Variants in B4GALT4 observed in about 807,000 individuals in gnomAD.
B4GALT4 encodes the protein N-acetyllactosamine synthase.
A neutral mutation model predicts 37.3 loss-of-function variants in B4GALT4; 27 were observed. The ratio of observed to expected loss-of-function variants is 0.72; its 90% confidence interval spans 0.53 to 1.00. The LOEUF is 1.00. B4GALT4 is among the 50% of genes least tolerant of loss of function. The pLI, the probability that B4GALT4 is intolerant of heterozygous loss-of-function variation, is 0.00. For missense variants in B4GALT4, 372 were observed against 413.1 expected, an observed-to-expected ratio of 0.90 and a Z score of 0.86; for synonymous variants, 148 against 154.1, an observed-to-expected ratio of 0.96 and a Z score of 0.29.
intron 1 of B4GALT4, among the ~76,000 whole-genome samples, chr3:119,238,283 A>AC (rs397827342): frequency 6.6e-6 from 1 of 150,734 alleles, no homozygotes; most frequent in Admixed American, 6.6e-5. Flanking sequence ...AAAAAAAAAA[A>AC]GTATATAAAA....
In B4GALT4 at chr3:119,230,189, T is replaced by C; in HGVS notation, c.-90A>G. 1 of 1,495,098 alleles carries C rather than the reference T, an allele frequency of 6.7e-7. No individual in the cohort carries two copies. The highest frequency in any genetic ancestry group is 1.9e-5 in the Admixed American group (1 of 52,890). The allele number at this position is 1,495,098 out of a possible 1,614,324, so 92.6% of individuals were successfully genotyped here. ...AGCTTTTCCAATCTGATTGCGAACTTGATGACAACTGAAGATACAATGCCT... is the reference window on the plus strand; with the variant it reads ...AGCTTTTCCAATCTGATTGCGAACTCGATGACAACTGAAGATACAATGCCT... On this transcript the variant is annotated 5_prime_UTR_variant, in exon 3 of 8. Transcript: ENST00000393765.
intron 5 of B4GALT4, among the ~76,000 whole-genome samples, chr3:119,219,130 G>T (rs2078374378): frequency 6.6e-6 from 1 of 152,134 alleles, no homozygotes; most frequent in South Asian, 2.1e-4. Context: ...AAGGGCACTG[G>T]GTTAAGAAGG....
chr3:119,237,826 AAG>A (rs1388343928), intron 1 of B4GALT4, among the ~76,000 whole-genome samples: 1 of 152,250 alleles, frequency 6.6e-6, no homozygotes. Context: ...CCAAAAATTG[AAG>A]AGTCTAAATG....
intron 3 of B4GALT4, among the ~76,000 whole-genome samples, chr3:119,229,002 T>A (rs966934530): frequency 1.3e-5 from 2 of 152,148 alleles, no homozygotes; most frequent in Non-Finnish European, 2.9e-5. Context: ...ACTAATTTAC[T>A]GTTTAACATA....
rs752597481 is a variant in B4GALT4, at chr3:119,226,905, G to C, written c.390C>G (p.His130Gln). 6.2e-7 allele frequency: 1 copy of C among 1,614,058 alleles called. No individual in the cohort carries two copies. Among genetic ancestry groups the C allele is most frequent in the Non-Finnish European group, 8.5e-7 (1 of 1,180,030 alleles). ...ALQRVAILVP[H>Q]RNREKHLMYL... ...ACATCAGGTGTTTCTCTCTGTTCCG[G>C]TGGGGAACGAGGATGGCGACCCTCT... Residue 130 changes from histidine to glutamine, a missense_variant, in exon 4 of 8, where the codon CAC becomes CAG. His to Gln is a conservative substitution (Grantham distance 24). Transcript: ENST00000393765.
At chr3:119,230,381 G>C in intron 2 of B4GALT4, 137 bp from the exon 3 acceptor site, 1 of 401,982 alleles carries the variant, frequency 2.5e-6, no homozygotes. Flanking sequence ...TTAGCATTTA[G>C]AGATTCGAAA....
chr3:119,234,737 TTTTC>T (rs1401428495), intron 2 of B4GALT4, among the ~76,000 whole-genome samples: 3 of 152,208 alleles, frequency 2.0e-5, no homozygotes, highest in Non-Finnish European at 4.4e-5. Flanking sequence ...CTCAGAGTTA[TTTTC>T]TTTTTCAGTC....
chr3:119,216,059 G>C (rs1217987182), intron 7 of B4GALT4, 181 bp downstream of exon 7: 5 of 379,690 alleles, frequency 1.3e-5, no homozygotes, highest in Admixed American at 4.6e-5. Flanking sequence ...CATGAGTTGA[G>C]AACTGTAGAC....
At chr3:119,216,413 C>A in intron 6 of B4GALT4, 69 bp from the exon 7 acceptor site, 3 of 1,221,290 alleles carry the variant, frequency 2.5e-6, no homozygotes, top group Middle Eastern at 2.4e-4. Flanking sequence ...TAAAAAGCAT[C>A]ATTTGCGAAA....
intron 1 of B4GALT4, 182 bp downstream of exon 1, chr3:119,240,668 C>T (rs767143467): frequency 4.3e-4 from 65 of 152,420 alleles, no homozygotes; most frequent in Non-Finnish European, 7.2e-4. Context: ...CCTCCGTAGG[C>T]CCCCGGCCCG....
chr3:119,233,994 C>T (rs2078904793), intron 2 of B4GALT4, among the ~76,000 whole-genome samples: 1 of 152,194 alleles, frequency 6.6e-6, no homozygotes. Flanking sequence ...GGCAACCCCT[C>T]TCACCGTTGT....
intron 4 of B4GALT4, 104 bp downstream of exon 4, chr3:119,226,705 T>C (rs1477935203): frequency 5.4e-6 from 5 of 927,166 alleles, no homozygotes; most frequent in South Asian, 1.7e-5. Flanking sequence ...TTTTTGATGA[T>C]AGTCTGATGT....
chr3:119,227,137 C>G, intron 3 of B4GALT4, 96 bp from the exon 4 acceptor site: 2 of 1,026,412 alleles, frequency 1.9e-6, no homozygotes, highest in Non-Finnish European at 2.9e-6. Context: ...CACTGCCCAG[C>G]TCACAGTGAG....
intron 2 of B4GALT4, chr3:119,236,285 A>C (rs1371617263): frequency 7.0e-6 from 1 of 143,488 alleles, no homozygotes; most frequent in Non-Finnish European, 1.5e-5. Flanking sequence ...AAAATGCAGG[A>C]TCCTTGATAA....
At chr3:119,219,553 G>A (rs2078391508) in intron 5 of B4GALT4, among the ~76,000 whole-genome samples, 1 of 152,248 alleles carries the variant, frequency 6.6e-6, no homozygotes, top group Non-Finnish European at 1.5e-5. Context: ...TATGGCTTTG[G>A]AAATAAGCTG....
At chr3:119,238,263 T>TAA (rs35361911) in intron 1 of B4GALT4, among the ~76,000 whole-genome samples, 8,174 of 108,892 alleles carry the variant, frequency 0.075, 364 homozygotes, top group African/African-American at 0.1. Flanking sequence ...ACCCTGTCTC[T>TAA]AAAAAAAAAA....
intron 5 of B4GALT4, among the ~76,000 whole-genome samples, chr3:119,222,092 G>A (rs1005283446): frequency 6.6e-6 from 1 of 152,128 alleles, no homozygotes; most frequent in South Asian, 2.1e-4. Context: ...CTGTCCTTAA[G>A]CAATCCTCTG....
chr3:119,229,227 TA>T (rs2078731123), intron 3 of B4GALT4, among the ~76,000 whole-genome samples: 1 of 152,158 alleles, frequency 6.6e-6, no homozygotes, highest in Non-Finnish European at 1.5e-5. Flanking sequence ...GAGGAGAACA[TA>T]CCCAGGCTAG....
rs2078171070 is a variant in B4GALT4 at position 119,211,888 on chromosome 3, G to A, written c.*661C>T. 2.2e-6 allele frequency: 1 copy of A among 450,344 alleles called. No individual in the cohort carries two copies. The highest frequency in any genetic ancestry group is 3.3e-5 in the East Asian group (1 of 30,744). The allele number at this position is 450,344 out of a possible 1,614,324, so 27.9% of individuals were successfully genotyped here. A position where few individuals can be genotyped will look rare whatever the true frequency, so the allele number is the denominator to read the frequency against. ...AAAACTAATAGAGAATGTATTCTCT[G>A]GTGGGCATCACTGGAAGGCATACCT... is the stretch of plus-strand genomic sequence containing the variant. On this transcript the variant is annotated 3_prime_UTR_variant, in exon 8 of 8. Coordinates refer to ENST00000393765, the MANE Select transcript of B4GALT4 (RefSeq NM_003778.4).
Sources: gnomAD v4.1 joint callset for allele counts (sites outside exome capture counted in the v4.1 genomes callset) on GRCh38, gnomAD v4.1.1 for gene constraint, MANE v1.5 for transcripts, NCBI Gene and HGNC (gene_info 2026-07-23, HGNC 2026-07-21) for gene names.